SPMIP2: variants seen among roughly 807,000 people sequenced by gnomAD.
SPMIP2 encodes protein SPMIP2.
chr4:158,964,622 T>G, the SPMIP2 span, among the ~76,000 whole-genome samples: 1 of 152,116 alleles, frequency 6.6e-6, no homozygotes, highest in African/African-American at 2.4e-5. Flanking sequence ...ATTCTTTGAC[T>G]GGCTATTTTA....
chr4:158,984,021 A>G, the SPMIP2 span, among the ~76,000 whole-genome samples: 2 of 112,446 alleles, frequency 1.8e-5, no homozygotes, highest in African/African-American at 6.7e-5. Context: ...CAGACTTTAA[A>G]CCAACAAAGA....
chr4:159,047,212 T>A, the SPMIP2 span, among the ~76,000 whole-genome samples: 16 of 152,198 alleles, frequency 1.1e-4, no homozygotes, highest in African/African-American at 3.4e-4. Flanking sequence ...TTTAAAAAAA[T>A]TATAAAAAGT....
At chr4:158,946,090 C>T in the SPMIP2 span, among the ~76,000 whole-genome samples, 2 of 152,168 alleles carry the variant, frequency 1.3e-5, no homozygotes, top group Non-Finnish European at 2.9e-5. Context: ...CTTTCTCACA[C>T]ACTTTAGATG....
chr4:158,916,100 T>C, the SPMIP2 span, among the ~76,000 whole-genome samples: 684 of 152,324 alleles, frequency 4.5e-3, 7 homozygotes, highest in African/African-American at 0.016. Flanking sequence ...CTTTGGACCA[T>C]GATTTGTGGG....
At chr4:158,995,007 C>T in the SPMIP2 span, among the ~76,000 whole-genome samples, 3 of 152,248 alleles carry the variant, frequency 2.0e-5, no homozygotes, top group South Asian at 6.2e-4. Flanking sequence ...TCTGAATGAG[C>T]CAAATAAACA....
chr4:158,935,584 T>C, the SPMIP2 span, among the ~76,000 whole-genome samples: 1 of 152,254 alleles, frequency 6.6e-6, no homozygotes, highest in African/African-American at 2.4e-5. Context: ...TGTCTGTCTC[T>C]GGTGACGGAA....
At chr4:159,031,558 C>G in the SPMIP2 span, among the ~76,000 whole-genome samples, 1 of 152,190 alleles carries the variant, frequency 6.6e-6, no homozygotes, top group Non-Finnish European at 1.5e-5. Context: ...TGTAAAAATA[C>G]ATTTTAGAGA....
chr4:158,928,899 C>T, the SPMIP2 span, among the ~76,000 whole-genome samples: 1 of 152,038 alleles, frequency 6.6e-6, no homozygotes, highest in Non-Finnish European at 1.5e-5. Flanking sequence ...CACTCCTGAG[C>T]CAGCGAGACC....
chr4:159,016,073 C>T, the SPMIP2 span, among the ~76,000 whole-genome samples: 1 of 152,026 alleles, frequency 6.6e-6, no homozygotes, highest in Non-Finnish European at 1.5e-5. Flanking sequence ...AGACTGATGA[C>T]GTCAACACAC....
chr4:158,898,182 G>A, the SPMIP2 span, among the ~76,000 whole-genome samples: 1 of 152,112 alleles, frequency 6.6e-6, no homozygotes, highest in South Asian at 2.1e-4. Flanking sequence ...CCTCAGTTCT[G>A]TTCCATTGGT....
the SPMIP2 span, among the ~76,000 whole-genome samples, chr4:159,040,439 G>A: frequency 6.6e-6 from 1 of 151,656 alleles, no homozygotes; most frequent in Non-Finnish European, 1.5e-5. Context: ...CCAAAGTGCT[G>A]GGATTACAGG....
chr4:158,989,972 A>G, the SPMIP2 span, among the ~76,000 whole-genome samples: 5 of 152,222 alleles, frequency 3.3e-5, 1 homozygote, highest in South Asian at 1.0e-3. Context: ...AAAATTTTGC[A>G]ATCTATCCAT....
At chr4:159,065,042 T>C in the SPMIP2 span, among the ~76,000 whole-genome samples, 3 of 152,340 alleles carry the variant, frequency 2.0e-5, no homozygotes, top group Non-Finnish European at 2.9e-5. Flanking sequence ...ACGGGGAAGA[T>C]GCATTTGGTC....
the SPMIP2 span, among the ~76,000 whole-genome samples, chr4:158,934,660 C>T: frequency 1.3e-5 from 2 of 152,072 alleles, no homozygotes; most frequent in African/African-American, 4.8e-5. Context: ...CACCTGTCAC[C>T]CCTCAAAATA....
At chr4:158,989,268 T>C in the SPMIP2 span, among the ~76,000 whole-genome samples, 3 of 152,204 alleles carry the variant, frequency 2.0e-5, no homozygotes, top group South Asian at 6.2e-4. Flanking sequence ...TCCGTGCTCA[T>C]GGATAACAAG....
chr4:159,048,328 G>C, the SPMIP2 span, among the ~76,000 whole-genome samples: 1 of 152,236 alleles, frequency 6.6e-6, no homozygotes, highest in African/African-American at 2.4e-5. Flanking sequence ...CCTGGCAAGT[G>C]CAAGTACAGT....
At chr4:158,899,470 C>T in the SPMIP2 span, among the ~76,000 whole-genome samples, 1 of 152,270 alleles carries the variant, frequency 6.6e-6, no homozygotes, top group Middle Eastern at 3.4e-3. Flanking sequence ...GCTGTGAATC[C>T]ATCTGGTCCT....
the SPMIP2 span, among the ~76,000 whole-genome samples, chr4:158,927,154 C>G: frequency 1.3e-5 from 2 of 152,124 alleles, no homozygotes; most frequent in Non-Finnish European, 2.9e-5. Context: ...TGCTGTCTTC[C>G]TGATAGACTG....
the SPMIP2 span, among the ~76,000 whole-genome samples, chr4:158,937,038 G>C: frequency 6.6e-6 from 1 of 152,190 alleles, no homozygotes; most frequent in Non-Finnish European, 1.5e-5. Context: ...AGGAGGAACG[G>C]GGGAAACCAA....
Sources: gnomAD v4.1 joint callset for allele counts (sites outside exome capture counted in the v4.1 genomes callset) on GRCh38, gnomAD v4.1.1 for gene constraint, MANE v1.5 for transcripts, NCBI Gene and HGNC (gene_info 2026-07-23, HGNC 2026-07-21) for gene names.